The following DNAJC1 variants were observed in gnomAD, a reference collection of about 807,000 sequenced individuals.
The protein encoded by DNAJC1 is DnaJ heat shock protein family (Hsp40) member C1.
A neutral mutation model predicts 76.6 loss-of-function variants in DNAJC1; 58 were observed. The observed-to-expected ratio is 0.76, with a 90% CI of 0.61 to 0.94. The LOEUF is 0.94. DNAJC1 is among the 40% of genes least tolerant of loss of function. The pLI, the probability that DNAJC1 is intolerant of heterozygous loss-of-function variation, is 0.00. For missense variants in DNAJC1, 689 were observed against 677.3 expected, an observed-to-expected ratio of 1.02 and a Z score of -0.19; for synonymous variants, 258 against 267.9, an observed-to-expected ratio of 0.96 and a Z score of 0.36.
intron 9 of DNAJC1, among the ~76,000 whole-genome samples, chr10:21,802,112 A>G (rs767539161): frequency 2.6e-5 from 4 of 152,068 alleles, no homozygotes; most frequent in South Asian, 2.1e-4. Flanking sequence ...AAACCTGCAC[A>G]TGTTTTCTAA....
intron 9 of DNAJC1, among the ~76,000 whole-genome samples, 193 bp from the exon 10 acceptor site, chr10:21,766,502 G>C (rs1202456577): frequency 6.6e-6 from 1 of 152,194 alleles, no homozygotes; most frequent in African/African-American, 2.4e-5. Context: ...TAAATGGATA[G>C]CTCCAAAACA....
intron 9 of DNAJC1, among the ~76,000 whole-genome samples, chr10:21,804,531 T>C (rs1461983510): frequency 1.3e-5 from 2 of 151,976 alleles, no homozygotes; most frequent in Non-Finnish European, 2.9e-5. Context: ...TATTAACCTA[T>C]CTTTTACAAA....
At chr10:21,886,404 C>T (rs1411837980) in intron 7 of DNAJC1, among the ~76,000 whole-genome samples, 1 of 152,068 alleles carries the variant, frequency 6.6e-6, no homozygotes, top group East Asian at 1.9e-4. Context: ...ACCAGATGTA[C>T]AAACAGCTGG....
chr10:21,983,791 T>C (rs374212147), intron 1 of DNAJC1, among the ~76,000 whole-genome samples: 2 of 151,678 alleles, frequency 1.3e-5, no homozygotes, highest in African/African-American at 2.4e-5. Context: ...GAACGGTAAG[T>C]TGTTTAATCG....
At chr10:21,995,224 T>C (rs1477710503) in intron 1 of DNAJC1, among the ~76,000 whole-genome samples, 3 of 152,134 alleles carry the variant, frequency 2.0e-5, no homozygotes, top group Admixed American at 1.3e-4. Context: ...TGACTAGAAA[T>C]AAGAAGTTTC....
At chr10:21,833,156 T>C (rs1312387264) in intron 8 of DNAJC1, among the ~76,000 whole-genome samples, 3 of 152,186 alleles carry the variant, frequency 2.0e-5, no homozygotes, top group Non-Finnish European at 4.4e-5. Context: ...TTCAACTACA[T>C]GATATAGTGA....
At chr10:21,987,896 C>T (rs1216858892) in intron 1 of DNAJC1, among the ~76,000 whole-genome samples, 7 of 152,074 alleles carry the variant, frequency 4.6e-5, no homozygotes, top group Non-Finnish European at 7.4e-5. Context: ...TCTGACTTGC[C>T]CTTGTGCACA....
chr10:21,981,266 G>A (rs998428486), intron 1 of DNAJC1, among the ~76,000 whole-genome samples: 3 of 152,084 alleles, frequency 2.0e-5, no homozygotes, highest in Non-Finnish European at 4.4e-5. Flanking sequence ...CATAGTTTAC[G>A]ATGGTATGGA....
chr10:21,788,500 C>T (rs953910078), intron 9 of DNAJC1, among the ~76,000 whole-genome samples: 2 of 152,170 alleles, frequency 1.3e-5, no homozygotes, highest in African/African-American at 4.8e-5. Context: ...TTCTCTGGAG[C>T]TGGACCAGCA....
chr10:21,889,977 G>A (rs1017206007), intron 7 of DNAJC1, among the ~76,000 whole-genome samples: 2 of 152,220 alleles, frequency 1.3e-5, no homozygotes, highest in African/African-American at 4.8e-5. Context: ...CCACCAGGGT[G>A]ATGTGAGAGA....
intron 1 of DNAJC1, among the ~76,000 whole-genome samples, chr10:21,996,227 T>C (rs908807955): frequency 2.6e-5 from 4 of 152,174 alleles, no homozygotes; most frequent in African/African-American, 9.6e-5. Flanking sequence ...ACTGGTATCA[T>C]TACTGTCTAA....
chr10:21,802,230 AC>A (rs963023062), intron 9 of DNAJC1, among the ~76,000 whole-genome samples: 1 of 152,192 alleles, frequency 6.6e-6, no homozygotes, highest in African/African-American at 2.4e-5. Flanking sequence ...GGAAACTGGT[AC>A]AGCGGCAGTG....
intron 10 of DNAJC1, among the ~76,000 whole-genome samples, chr10:21,763,334 A>G (rs2131617098): frequency 6.6e-6 from 1 of 152,356 alleles, no homozygotes; most frequent in Admixed American, 6.5e-5. Context: ...ACATTTTAAT[A>G]TAATAAAATG....
chr10:21,766,207 T>C, intron 10 of DNAJC1, 54 bp downstream of exon 10: 1 of 1,281,608 alleles, frequency 7.8e-7, no homozygotes, highest in Non-Finnish European at 1.1e-6. Context: ...TAAAAAGGGA[T>C]TAATTTAGAA....
At chr10:21,847,773 C>A (rs1486638069) in intron 8 of DNAJC1, among the ~76,000 whole-genome samples, 1 of 152,074 alleles carries the variant, frequency 6.6e-6, no homozygotes, top group Non-Finnish European at 1.5e-5. Flanking sequence ...GAATTTCATT[C>A]TTTTTTCATG....
chr10:21,856,332 T>A (rs1835832056), intron 8 of DNAJC1, among the ~76,000 whole-genome samples: 1 of 152,270 alleles, frequency 6.6e-6, no homozygotes, highest in East Asian at 1.9e-4. Context: ...TGACTCAAAA[T>A]TCATCACTTC....
intron 9 of DNAJC1, among the ~76,000 whole-genome samples, chr10:21,781,756 G>A (rs1276751051): frequency 2.1e-5 from 3 of 144,762 alleles, no homozygotes; most frequent in East Asian, 2.0e-4. Flanking sequence ...ACTCAAAACC[G>A]CTCAACTACA....
At chr10:21,956,055 T>C (rs1256987526) in intron 1 of DNAJC1, among the ~76,000 whole-genome samples, 1 of 152,186 alleles carries the variant, frequency 6.6e-6, no homozygotes, top group Non-Finnish European at 1.5e-5. Flanking sequence ...ACTGCGTAAT[T>C]TATAAAGAAC....
intron 6 of DNAJC1, among the ~76,000 whole-genome samples, chr10:21,907,518 TTAAA>T (rs1331002425): frequency 6.6e-6 from 1 of 152,152 alleles, no homozygotes; most frequent in Non-Finnish European, 1.5e-5. Context: ...AGGAAAGTGA[TTAAA>T]TAGGGAGGCA....
Sources: gnomAD v4.1 joint callset for allele counts (sites outside exome capture counted in the v4.1 genomes callset) on GRCh38, gnomAD v4.1.1 for gene constraint, MANE v1.5 for transcripts, NCBI Gene and HGNC (gene_info 2026-07-23, HGNC 2026-07-21) for gene names.